RAB15: variants seen among roughly 807,000 people sequenced by gnomAD.
The protein encoded by RAB15 is RAB15, member RAS oncogene family.
A neutral mutation model predicts 31.8 loss-of-function variants in RAB15; 13 were observed. The observed-to-expected ratio is 0.41, with a 90% CI of 0.27 to 0.65. The LOEUF (loss-of-function observed/expected upper bound fraction) is 0.65. Among genes scored for constraint, RAB15 ranks in the 30% least tolerant of loss-of-function variants. The pLI is 0.32. For missense variants in RAB15, 220 were observed against 277.3 expected (o/e 0.79, Z 1.47); for synonymous variants, 100 against 105.6 (o/e 0.95, Z 0.33).
In RAB15 at chr14:64,948,372, C is replaced by T. The variant is rs780746243; in HGVS notation, c.621G>A (p.Ser207=). The T allele has an allele frequency of 6.6e-4, 1,047 of 1,585,512 alleles. 6 individuals carry two copies. The highest frequency in any genetic ancestry group is 1.3e-4 in the Non-Finnish European group (154 of 1,169,024). ...ACAGGACTCAGCACCAGCAGGTTTT[C>T]GAAGAGTTCGCTGGGCCCTCGGGTT... is the stretch of plus-strand genomic sequence containing the variant. ...EGKPEGPANS[S]KTCWC The change falls in exon 7 of 7, where the codon TCG becomes TCA. Residue 207 remains serine, a synonymous_variant. Transcript: ENST00000533601. The surrounding 1 kb of genome is among the most constrained non-coding windows in gnomAD (Gnocchi z 7.0).
Position 64,945,983 on chromosome 14 carries a change from A to T in RAB15, c.*2371T>A, listed in dbSNP as rs1885897860. On this transcript the variant is annotated 3_prime_UTR_variant, in exon 7 of 7. Coordinates refer to ENST00000533601, the MANE Select transcript of RAB15 (RefSeq NM_001308154.2). ...GCCTGGGGCTGGATGGAGTCTCAAG[A>T]CAGCAGGTGCAGAGGTGGTGACGAG... 1 of 152,672 alleles carries T rather than the reference A, an allele frequency of 6.5e-6. No homozygotes were observed. Among genetic ancestry groups the T allele is most frequent in the Non-Finnish European group, 1.5e-5 (1 of 68,090 alleles). The allele number at this position is 152,672 out of a possible 1,614,324, so 9.5% of individuals were successfully genotyped here.
rs1886245291 is a variant in RAB15, at chr14:64,951,483, G to A, written c.246+120C>T. 1.2e-5 allele frequency: 11 copies of A among 920,374 alleles called. No individual in the cohort carries two copies. In the East Asian group the frequency reaches 2.2e-4, roughly 18 times the overall value. 57.0% of individuals were successfully genotyped at this position (920,374 alleles called of 1,614,324 possible). A position where few individuals can be genotyped will look rare whatever the true frequency, so the allele number is the denominator to read the frequency against. On this transcript the variant is annotated intron_variant, in intron 3 of 6. Transcript: ENST00000533601. This position sits in a 1 kb window ranked among gnomAD's most constrained non-coding sequence, Gnocchi z 7.2. ...TCAGTGAACAGCTGAAAGACGCCCT[G>A]CGCTCCTCCAAGCAGGCGAACTGTA...
intron 1 of RAB15, among the ~76,000 whole-genome samples, chr14:64,965,781 G>A (rs1396922897): frequency 3.3e-5 from 5 of 152,188 alleles, no homozygotes; most frequent in African/African-American, 4.8e-5. Context: ...GAGGAGGAAG[G>A]AACAGAAACC....
intron 1 of RAB15, among the ~76,000 whole-genome samples, chr14:64,967,430 T>C (rs1887194841): frequency 6.6e-6 from 1 of 151,930 alleles, no homozygotes; most frequent in Non-Finnish European, 1.5e-5. Flanking sequence ...CTACAAAACG[T>C]ACAAACATTA....
chr14:64,963,109 C>CTTTT (rs1165246293), intron 1 of RAB15, among the ~76,000 whole-genome samples: 4 of 96,400 alleles, frequency 4.1e-5, no homozygotes, highest in Admixed American at 2.3e-4. Context: ...CCCTTCCCCA[C>CTTTT]TTTTTTTTTT....
rs1254026491 is a variant in RAB15, at chr14:64,962,642, G to T, written c.124+9311C>A. ...CCTAAATGACAAGAAGGTGCCAGCA[G>T]GGAGATCCAAAGAATCAGGTAGAGG... On this transcript the variant is annotated intron_variant, in intron 1 of 6. Transcript: ENST00000533601. This position sits in a 1 kb window ranked among gnomAD's most constrained non-coding sequence, Gnocchi z 4.2. Among the ~76,000 whole-genome samples, 1 of 152,184 alleles carries T rather than the reference G, an allele frequency of 6.6e-6. No homozygotes were observed. The highest frequency in any genetic ancestry group is 1.5e-5 in the Non-Finnish European group (1 of 68,038).
In RAB15 at chr14:64,962,194, G is replaced by A. The variant is rs1594948269; in HGVS notation, c.125-9623C>T. Among the ~76,000 whole-genome samples the A allele has an allele frequency of 6.6e-6, 1 of 152,172 alleles. No individual in the cohort carries two copies. On this transcript the variant is annotated intron_variant, in intron 1 of 6. Transcript: ENST00000533601. This position sits in a 1 kb window ranked among gnomAD's most constrained non-coding sequence, Gnocchi z 4.2. ...TGTGCCACTGCACTCCAGCCTGGGG[G>A]ATACAGTGAGACTCTGTCTCAAAAA... is the stretch of plus-strand genomic sequence containing the variant.
At chr14:64,963,065 A>G (rs1167304538) in intron 1 of RAB15, among the ~76,000 whole-genome samples, 1 of 151,174 alleles carries the variant, frequency 6.6e-6, no homozygotes, top group Non-Finnish European at 1.5e-5. Context: ...GGTACATAGT[A>G]AGTATATGGA....
chr14:64,959,650 G>A (rs779248235), intron 1 of RAB15, among the ~76,000 whole-genome samples: 3 of 151,868 alleles, frequency 2.0e-5, no homozygotes, highest in Non-Finnish European at 4.4e-5. Flanking sequence ...GACTGCTTGC[G>A]CCCAGGAGTT....
Position 64,948,489 on chromosome 14 carries a change from C to T in RAB15, c.504G>A (p.Leu168=). The change falls in exon 7 of 7, where the codon CTG becomes CTA. Residue 168 remains leucine, a synonymous_variant. Coordinates refer to ENST00000533601, the MANE Select transcript of RAB15 (RefSeq NM_001308154.2). This position sits in a 1 kb window ranked among gnomAD's most constrained non-coding sequence, Gnocchi z 7.0. ...GCTCCTTCCTATGGGCCTGCAGCAC[C>T]AGCTCTGTCAGACGCGTGAATGACT... The part of the protein sequence containing the change: ...IKESFTRLTE[L]VLQAHRKELE... 6.2e-7 allele frequency: 1 copy of T among 1,609,950 alleles called. No individual in the cohort carries two copies. The highest frequency in any genetic ancestry group is 1.7e-5 in the Admixed American group (1 of 59,332).
Position 64,955,983 on chromosome 14 carries a change from C to G in RAB15, c.125-3412G>C, listed in dbSNP as rs1162200452. Among the ~76,000 whole-genome samples the G allele has an allele frequency of 6.6e-6, 1 of 152,176 alleles. No individual in the cohort carries two copies. Among genetic ancestry groups the G allele is most frequent in the Non-Finnish European group, 1.5e-5 (1 of 68,034 alleles). The stretch of plus-strand genomic sequence containing the variant: ...CTGATCTGGTAGGTGTAGGGCAAGG[C>G]CTGAGATGCTGCAGGAAGCTCCCAG... On this transcript the variant is annotated intron_variant, in intron 1 of 6. Transcript: ENST00000533601. The surrounding 1 kb of genome is among the most constrained non-coding windows in gnomAD (Gnocchi z 4.4).
rs772404611 is a variant in RAB15, at chr14:64,948,505, G to A, written c.488C>T (p.Thr163Met). 9.3e-6 allele frequency: 15 copies of A among 1,606,116 alleles called. No homozygotes were observed. The highest frequency in any genetic ancestry group is 3.4e-5 in the Admixed American group (2 of 58,910). Residue 163 changes from threonine to methionine, a missense_variant, in exon 7 of 7, where the codon ACG becomes ATG. Transcript: ENST00000533601. The surrounding 1 kb of genome is among the most constrained non-coding windows in gnomAD (Gnocchi z 7.0). ...CTNLNIKESF[T>M]RLTELVLQAH... Reference sequence around the variant, plus strand: ...CTGCAGCACCAGCTCTGTCAGACGCGTGAATGACTGGAAACCAAAGGGCAC... The same window carrying A: ...CTGCAGCACCAGCTCTGTCAGACGCATGAATGACTGGAAACCAAAGGGCAC...
chr14:64,965,765 AAGG>A (rs1447932406), intron 1 of RAB15, among the ~76,000 whole-genome samples: 2 of 152,134 alleles, frequency 1.3e-5, no homozygotes, highest in Non-Finnish European at 2.9e-5. Flanking sequence ...GGGGAGAAGG[AAGG>A]AGGAGGAGGA....
chr14:64,965,407 C>T (rs1887083574), intron 1 of RAB15, among the ~76,000 whole-genome samples: 1 of 152,022 alleles, frequency 6.6e-6, no homozygotes, highest in African/African-American at 2.4e-5. Flanking sequence ...TGCAGTGAGC[C>T]GAGATCGAGC....
chr14:64,966,560 AATG>A lies in RAB15; in HGVS notation c.124+5390_124+5392del, dbSNP rs1398233072. 6.6e-5 allele frequency among the ~76,000 whole-genome samples: 10 copies of A among 152,058 alleles called. No homozygotes were observed. In the East Asian group the frequency reaches 1.7e-3, roughly 26 times the overall value. On this transcript the variant is annotated intron_variant, in intron 1 of 6. Coordinates refer to ENST00000533601, the MANE Select transcript of RAB15 (RefSeq NM_001308154.2). ...ATAAATAAATAAATAAAATAATAAT[AATG>A]ATAATATGATAGCAGCTATTATTTT...
At chr14:64,966,919 A>G (rs1041791672) in intron 1 of RAB15, among the ~76,000 whole-genome samples, 9 of 151,980 alleles carry the variant, frequency 5.9e-5, no homozygotes, top group Non-Finnish European at 1.3e-4. Context: ...ATTTGCCCCC[A>G]GCTCCTCTCA....
At position 64,950,460 on chromosome 14, in the gene RAB15, C is replaced by T. The variant is rs1279629113; in HGVS notation, c.325-46G>A. 3.3e-6 allele frequency: 5 copies of T among 1,501,730 alleles called. No homozygotes were observed. Among genetic ancestry groups the T allele is most frequent in the South Asian group, 1.1e-5 (1 of 88,810 alleles). 93.0% of individuals were successfully genotyped at this position (1,501,730 alleles called of 1,614,324 possible). On this transcript the variant is annotated intron_variant, in intron 4 of 6. Transcript: ENST00000533601. The surrounding 1 kb of genome is among the most constrained non-coding windows in gnomAD (Gnocchi z 5.6). Reference sequence around the variant, plus strand: ...GAACAGCCAGTGAGTGCTGCCTGCCCCCCCAATTTTCCCTACAGAGTCTGC... The same window carrying T: ...GAACAGCCAGTGAGTGCTGCCTGCCTCCCCAATTTTCCCTACAGAGTCTGC...
chr14:64,964,567 CTTTT>C (rs1158287066), intron 1 of RAB15, among the ~76,000 whole-genome samples: 29 of 150,938 alleles, frequency 1.9e-4, no homozygotes, highest in Admixed American at 1.9e-3. Context: ...AAACAAACCA[CTTTT>C]TTTTGTTTTT....
Position 64,950,639 on chromosome 14 carries a change from C to T in RAB15, c.325-225G>A. ...ACACTCTGGCTAAGACTGGTGCTTC[C>T]TTGGGTTAGACCACTGGTATCAGAG... On this transcript the variant is annotated intron_variant, in intron 4 of 6. Coordinates refer to ENST00000533601, the MANE Select transcript of RAB15 (RefSeq NM_001308154.2). This position sits in a 1 kb window ranked among gnomAD's most constrained non-coding sequence, Gnocchi z 5.6. 1 of 603,898 alleles carries T rather than the reference C, an allele frequency of 1.7e-6. No homozygotes were observed. Among genetic ancestry groups the T allele is most frequent in the South Asian group, 2.0e-5 (1 of 51,152 alleles). 37.4% of individuals were successfully genotyped at this position (603,898 alleles called of 1,614,324 possible).
Sources: gnomAD v4.1 joint callset for allele counts (sites outside exome capture counted in the v4.1 genomes callset) on GRCh38, gnomAD v4.1.1 for gene constraint, Gnocchi (gnomAD v3.1) non-coding constraint, MANE v1.5 for transcripts, NCBI Gene and HGNC (gene_info 2026-07-23, HGNC 2026-07-21) for gene names.